GPC5: variants seen among roughly 807,000 people sequenced by gnomAD.
GPC5 encodes the protein glypican 5.
GPC5 carries 47 observed loss-of-function variants against 53.9 expected under a neutral mutation model. The observed-to-expected ratio is 0.87, with a 90% CI of 0.69 to 1.11. The LOEUF is 1.11. GPC5 is among the 50% of genes most tolerant of loss of function. The probability of loss-of-function intolerance (pLI) is 0.00; values close to 1 mark genes in which losing one functional copy is unlikely to be tolerated. For synonymous variants in GPC5, 286 were observed against 263.3 expected (o/e 1.09, Z -0.84); for missense variants, 748 against 713.1 (o/e 1.05, Z -0.56).
In GPC5 at chr13:91,824,867, T is replaced by C. The variant is rs564813848; in HGVS notation, c.1280+68447T>C. On this transcript the variant is annotated intron_variant, in intron 5 of 7. Transcript: ENST00000377067. ...AATCTAATCTCTATTGAACACTTTC[T>C]ATGTACATTAGATATTCTGCATGAA... Among the ~76,000 whole-genome samples, 5 of 152,268 alleles carry C rather than the reference T, an allele frequency of 3.3e-5. No individual in the cohort carries two copies. In the South Asian group the frequency reaches 1.0e-3, roughly 32 times the overall value.
chr13:91,822,541 G>T (rs2038512309), intron 5 of GPC5, among the ~76,000 whole-genome samples: 1 of 152,048 alleles, frequency 6.6e-6, no homozygotes, highest in Admixed American at 6.6e-5. Flanking sequence ...ATTTTACTAG[G>T]CAAGAGAACT....
intron 7 of GPC5, among the ~76,000 whole-genome samples, chr13:92,852,687 T>A (rs1878855893): frequency 1.3e-5 from 2 of 152,150 alleles, no homozygotes. Context: ...CTTCCCACCT[T>A]GGCCTCCCAA....
chr13:92,766,671 AG>A lies in GPC5; in HGVS notation c.1562-99609del, dbSNP rs372420194. Among the ~76,000 whole-genome samples the A allele has an allele frequency of 2.6e-4, 40 of 152,350 alleles. No individual in the cohort carries two copies. In the East Asian group the frequency reaches 7.1e-3, roughly 27 times the overall value. On this transcript the variant is annotated intron_variant, in intron 7 of 7. Coordinates refer to ENST00000377067, the MANE Select transcript of GPC5 (RefSeq NM_004466.6). ...TAGTCAGACTTCCTTTTATCCATCCAGGTGGGAATACTAGAAACAGATATCT... is the reference window on the plus strand; with the variant it reads ...TAGTCAGACTTCCTTTTATCCATCCAGTGGGAATACTAGAAACAGATATCT...
intron 7 of GPC5, among the ~76,000 whole-genome samples, chr13:92,506,589 C>T (rs1880377517): frequency 6.6e-6 from 1 of 152,060 alleles, no homozygotes; most frequent in African/African-American, 2.4e-5. Context: ...TTATAAAATG[C>T]ACCTCTTACT....
chr13:91,590,858 A>G (rs1447174104), intron 2 of GPC5, among the ~76,000 whole-genome samples: 1 of 152,226 alleles, frequency 6.6e-6, no homozygotes, highest in Non-Finnish European at 1.5e-5. Context: ...AAATTAATTT[A>G]TATGATTGAA....
chr13:91,899,572 T>G (rs182574421), intron 5 of GPC5, among the ~76,000 whole-genome samples: 50 of 152,296 alleles, frequency 3.3e-4, no homozygotes, highest in Non-Finnish European at 6.0e-4. Flanking sequence ...CCAAAATTTA[T>G]GTCCACTAGA....
At chr13:91,705,283 T>C (rs2036074887) in intron 3 of GPC5, among the ~76,000 whole-genome samples, 2 of 152,222 alleles carry the variant, frequency 1.3e-5, no homozygotes, top group Admixed American at 6.5e-5. Flanking sequence ...TCTAACTCTT[T>C]AGCACCTATC....
intron 6 of GPC5, among the ~76,000 whole-genome samples, chr13:91,993,884 T>C (rs1243140294): frequency 6.6e-6 from 1 of 152,158 alleles, no homozygotes; most frequent in Non-Finnish European, 1.5e-5. Flanking sequence ...GTGACAATAT[T>C]ATATAATGTG....
At chr13:92,125,603 A>C (rs1436849629) in intron 6 of GPC5, among the ~76,000 whole-genome samples, 1 of 152,138 alleles carries the variant, frequency 6.6e-6, no homozygotes, top group Non-Finnish European at 1.5e-5. Context: ...GAGAGGGAAA[A>C]GAGGTAAATG....
chr13:92,475,397 C>T (rs1265564442), intron 7 of GPC5, among the ~76,000 whole-genome samples: 3 of 146,270 alleles, frequency 2.1e-5, no homozygotes, highest in Non-Finnish European at 4.5e-5. Context: ...GTTTGTAGTT[C>T]TCCTTGAAGA....
Position 92,754,894 on chromosome 13 carries a change from C to T in GPC5, c.1562-111388C>T, listed in dbSNP as rs1372461263. Among the ~76,000 whole-genome samples the T allele has an allele frequency of 5.7e-3, 842 of 147,982 alleles. 10 individuals are homozygous for T. The highest frequency in any genetic ancestry group is 0.02 in the African/African-American group (808 of 40,340). ...ACATTAATAATGGGAGACTTTAACA[C>T]CCCACTGTCAACATTAGACAGATCA... On this transcript the variant is annotated intron_variant, in intron 7 of 7. Transcript: ENST00000377067.
At chr13:91,400,240 A>G (rs894226181) in intron 1 of GPC5, among the ~76,000 whole-genome samples, 5 of 152,196 alleles carry the variant, frequency 3.3e-5, no homozygotes, top group Admixed American at 2.0e-4. Context: ...CCGAGTTTCC[A>G]GGGTTGGGGG....
intron 7 of GPC5, among the ~76,000 whole-genome samples, chr13:92,166,950 T>A (rs1004232161): frequency 1.4e-3 from 83 of 57,578 alleles, no homozygotes; most frequent in East Asian, 5.3e-3. Flanking sequence ...TCTCTCTCTC[T>A]CTCTCTCACA....
At chr13:91,630,688 C>G (rs1387874585) in intron 2 of GPC5, among the ~76,000 whole-genome samples, 1 of 152,016 alleles carries the variant, frequency 6.6e-6, no homozygotes, top group Non-Finnish European at 1.5e-5. Flanking sequence ...GGCGGGCTGG[C>G]TGTTGTAAAA....
chr13:92,045,361 G>A (rs931895090), intron 6 of GPC5, among the ~76,000 whole-genome samples: 2 of 152,160 alleles, frequency 1.3e-5, no homozygotes, highest in African/African-American at 4.8e-5. Flanking sequence ...TGAGCAAATA[G>A]ATGTCAGACT....
chr13:91,577,804 C>G (rs879273932), intron 2 of GPC5, among the ~76,000 whole-genome samples: 1 of 152,216 alleles, frequency 6.6e-6, no homozygotes, highest in Non-Finnish European at 1.5e-5. Flanking sequence ...TCTCCTGACA[C>G]CTCTTACCCT....
At chr13:92,617,681 T>C (rs1312259961) in intron 7 of GPC5, among the ~76,000 whole-genome samples, 6 of 152,200 alleles carry the variant, frequency 3.9e-5, no homozygotes, top group Non-Finnish European at 5.9e-5. Flanking sequence ...ATATTAATGA[T>C]AATGCAAAAA....
In GPC5 at chr13:92,792,987, G is replaced by T. The variant is rs182824369; in HGVS notation, c.1562-73295G>T. Among the ~76,000 whole-genome samples, 5 of 152,024 alleles carry T rather than the reference G, an allele frequency of 3.3e-5. No homozygotes were observed. The East Asian group carries it at 7.8e-4, about 24-fold the overall frequency. ...ATTAGACAGATGAACGAGACAGAAG[G>T]TTATCAAGGATATCCAGGACTTGAA... On this transcript the variant is annotated intron_variant, in intron 7 of 7. Transcript: ENST00000377067.
chr13:92,066,611 T>A (rs2041169845), intron 6 of GPC5, among the ~76,000 whole-genome samples: 1 of 152,010 alleles, frequency 6.6e-6, no homozygotes, highest in Admixed American at 6.6e-5. Context: ...GGCAAATAAA[T>A]CCTGGTAGAC....
Sources: allele counts gnomAD v4.1 joint callset (sites outside exome capture counted in the v4.1 genomes callset), GRCh38; gene constraint gnomAD v4.1.1; transcripts MANE v1.5; gene names NCBI Gene and HGNC (gene_info 2026-07-23, HGNC 2026-07-21).